The following SPIRE1 variants were observed in gnomAD, a reference collection of about 807,000 sequenced individuals.
SPIRE1 encodes the protein spire type actin nucleation factor 1.
SPIRE1 carries 40 observed loss-of-function variants against 94.1 expected under a neutral mutation model. That is an observed-to-expected ratio of 0.43 (90% CI 0.33 to 0.55). SPIRE1 has a LOEUF of 0.55. SPIRE1 is among the 20% of genes least tolerant of loss of function. SPIRE1 has a pLI of 0.06. For missense variants in SPIRE1, 838 were observed against 975.2 expected (o/e 0.86, Z 1.87); for synonymous variants, 376 against 371.7 (o/e 1.01, Z -0.13).
chr18:12,509,851 G>A (rs1388024382), intron 5 of SPIRE1, among the ~76,000 whole-genome samples: 3 of 152,148 alleles, frequency 2.0e-5, no homozygotes, highest in Admixed American at 6.6e-5. Context: ...GGGAGGCCAA[G>A]GCGGGCGGAT....
chr18:12,571,697 ACT>A (rs2144472009), intron 2 of SPIRE1, among the ~76,000 whole-genome samples: 1 of 152,190 alleles, frequency 6.6e-6, no homozygotes, highest in Non-Finnish European at 1.5e-5. Flanking sequence ...CATCTAATAA[ACT>A]CTATCCCTTC....
At chr18:12,519,376 A>ACT (rs200952714) in intron 4 of SPIRE1, among the ~76,000 whole-genome samples, 1 of 151,520 alleles carries the variant, frequency 6.6e-6, no homozygotes, top group African/African-American at 2.4e-5. Flanking sequence ...ACACGCAAAC[A>ACT]CTCTCTCTCT....
chr18:12,491,997 C>T (rs891021806), intron 8 of SPIRE1, among the ~76,000 whole-genome samples: 9 of 152,274 alleles, frequency 5.9e-5, no homozygotes, highest in African/African-American at 2.2e-4. Context: ...TGGGGAGAGA[C>T]AGGATGAGTT....
intron 2 of SPIRE1, among the ~76,000 whole-genome samples, chr18:12,607,261 T>G (rs2037004609): frequency 6.6e-6 from 1 of 152,202 alleles, no homozygotes; most frequent in South Asian, 2.1e-4. Context: ...AAATTTCCCT[T>G]GTATCTTACA....
rs747575507 is a variant in SPIRE1, at chr18:12,493,062, G to A, written c.1189+10C>T. ...GACTCTAGACTGAGTACAGGAAGCAGTGGACTCACCTAATCTGCTACGTCT... is the reference window on the plus strand; with the variant it reads ...GACTCTAGACTGAGTACAGGAAGCAATGGACTCACCTAATCTGCTACGTCT... On this transcript the variant is annotated intron_variant, in intron 8 of 16. Transcript: ENST00000409402. 2 of 1,605,382 alleles carry A rather than the reference G, an allele frequency of 1.2e-6. No homozygotes were observed. Among genetic ancestry groups the A allele is most frequent in the South Asian group, 1.1e-5 (1 of 89,086 alleles).
chr18:12,496,777 G>C (rs1291721875), intron 6 of SPIRE1, among the ~76,000 whole-genome samples: 1 of 152,158 alleles, frequency 6.6e-6, no homozygotes, highest in Non-Finnish European at 1.5e-5. Context: ...GCTGAGGCAG[G>C]AGAATGGCAT....
chr18:12,475,236 C>T (rs2032517535), intron 10 of SPIRE1, among the ~76,000 whole-genome samples: 1 of 152,180 alleles, frequency 6.6e-6, no homozygotes, highest in African/African-American at 2.4e-5. Flanking sequence ...ACTACTCTTC[C>T]ACGTGGCTTC....
Position 12,532,570 on chromosome 18 carries a change from G to A in SPIRE1, c.729+2906C>T, listed in dbSNP as rs115024960. Among the ~76,000 whole-genome samples, 1,486 of 152,114 alleles carry A rather than the reference G, an allele frequency of 9.8e-3. 32 individuals carry two copies. The highest frequency in any genetic ancestry group is 0.033 in the African/African-American group (1,374 of 41,480). On this transcript the variant is annotated intron_variant, in intron 4 of 16. Transcript: ENST00000409402. Reference sequence around the variant, plus strand: ...TCTATTGTTTCAAAAATTCCACTTGGTACACACTAACTCATAGGTATAAAG... The same window carrying A: ...TCTATTGTTTCAAAAATTCCACTTGATACACACTAACTCATAGGTATAAAG...
chr18:12,601,880 C>T (rs2036844581), intron 2 of SPIRE1, among the ~76,000 whole-genome samples: 1 of 152,076 alleles, frequency 6.6e-6, no homozygotes, highest in Admixed American at 6.5e-5. Flanking sequence ...TTATACCTGG[C>T]ACAACAAGAT....
rs2038588440 is a variant in SPIRE1 at position 12,657,609 on chromosome 18, C to T, written c.258G>A (p.Ala86=). 1.6e-6 allele frequency: 2 copies of T among 1,280,894 alleles called. No homozygotes were observed. The highest frequency in any genetic ancestry group is 8.0e-5 in the Admixed American group (2 of 25,138). The allele number at this position is 1,280,894 out of a possible 1,614,324, so 79.3% of individuals were successfully genotyped here. A position where few individuals can be genotyped will look rare whatever the true frequency, so the allele number is the denominator to read the frequency against. ...RQPRHRVRSA[A]QIRVWRDGAV... is the part of the protein sequence containing the mutation. ...CGCCGTCCCTCCAGACGCGGATCTG[C>T]GCGGCCGAGCGCACACGGTGGCGGG... Residue 86 remains alanine, a synonymous_variant, in exon 1 of 17, where the codon GCG becomes GCA. Transcript: ENST00000409402.
intron 2 of SPIRE1, among the ~76,000 whole-genome samples, chr18:12,558,640 T>G (rs1319959554): frequency 6.6e-6 from 1 of 152,174 alleles, no homozygotes; most frequent in East Asian, 1.9e-4. Flanking sequence ...TTACAATCCC[T>G]GAGCTACACA....
rs75478649 is a variant in SPIRE1 at position 12,592,515 on chromosome 18, A to G, written c.372+42547T>C. Among the ~76,000 whole-genome samples the G allele has an allele frequency of 7.7e-3, 1,174 of 152,320 alleles. 14 individuals carry two copies. The highest frequency in any genetic ancestry group is 0.027 in the African/African-American group (1,102 of 41,556). ...GAAGCGAAGGAAGGTGAAGGTGAAG[A>G]GAGGCTAAGTGACCTGCTTGAATTC... On this transcript the variant is annotated intron_variant, in intron 2 of 16. Transcript: ENST00000409402.
chr18:12,540,806 C>T (rs1485831678), intron 3 of SPIRE1, among the ~76,000 whole-genome samples: 2 of 152,308 alleles, frequency 1.3e-5, no homozygotes, highest in African/African-American at 2.4e-5. Context: ...CAACTGCATC[C>T]AAAGATATTA....
At chr18:12,529,826 A>G (rs1239813631) in intron 4 of SPIRE1, among the ~76,000 whole-genome samples, 2 of 152,224 alleles carry the variant, frequency 1.3e-5, no homozygotes, top group African/African-American at 4.8e-5. Context: ...CCTATTTTAC[A>G]TGCCTTATAA....
At chr18:12,576,020 A>G (rs1341393474) in intron 2 of SPIRE1, among the ~76,000 whole-genome samples, 1 of 152,050 alleles carries the variant, frequency 6.6e-6, no homozygotes, top group Non-Finnish European at 1.5e-5. Flanking sequence ...CCTGACCAAC[A>G]TGGAGAAACC....
intron 8 of SPIRE1, 88 bp from the exon 9 acceptor site, chr18:12,486,088 A>T (rs1254173560): frequency 2.0e-6 from 2 of 997,168 alleles, no homozygotes; most frequent in East Asian, 2.7e-5. Context: ...GGATTAATGA[A>T]GACCCTTAGT....
intron 2 of SPIRE1, among the ~76,000 whole-genome samples, chr18:12,610,919 ACT>A (rs1298490268): frequency 6.6e-6 from 1 of 152,034 alleles, no homozygotes; most frequent in African/African-American, 2.4e-5. Flanking sequence ...TGACACACAT[ACT>A]GTCTTCCCTC....
At chr18:12,485,843 A>T (rs1389630959) in intron 9 of SPIRE1, 116 bp downstream of exon 9, 2 of 752,272 alleles carry the variant, frequency 2.7e-6, no homozygotes, top group East Asian at 5.5e-5. Context: ...ACCACGGCTT[A>T]GCAGAAGCCT....
rs190371613 is a variant in SPIRE1 at position 12,554,008 on chromosome 18, G to A, written c.373-7104C>T. ...ATCAAAGACGTAAAAGGAGACATTA[G>A]AACTGATACCAGCTGGGTGCGGTGG... is the stretch of plus-strand genomic sequence containing the variant. On this transcript the variant is annotated intron_variant, in intron 2 of 16. Transcript: ENST00000409402. Among the ~76,000 whole-genome samples the A allele has an allele frequency of 2.6e-3, 400 of 152,196 alleles. 1 individual carries two copies. The highest frequency in any genetic ancestry group is 4.9e-3 in the Non-Finnish European group (336 of 68,008).
Sources: allele counts gnomAD v4.1 joint callset (sites outside exome capture counted in the v4.1 genomes callset), GRCh38; gene constraint gnomAD v4.1.1; transcripts MANE v1.5; gene names NCBI Gene and HGNC (gene_info 2026-07-23, HGNC 2026-07-21).